The following GMDS variants were observed in gnomAD, a reference collection of about 807,000 sequenced individuals.
The protein encoded by GMDS is GDP-mannose 4,6 dehydratase.
Under a neutral mutation model 49.9 loss-of-function variants are expected in GMDS, and 20 were observed. The ratio of observed to expected loss-of-function variants is 0.40; its 90% CI spans 0.28 to 0.58. GMDS has a LOEUF of 0.58. Among genes scored for constraint, GMDS ranks in the 20% least tolerant of loss-of-function variants. The pLI is 0.42. For synonymous variants in GMDS, 177 were observed against 178.6 expected, an observed-to-expected ratio of 0.99 and a Z score of 0.07; for missense variants, 362 against 481.4, an observed-to-expected ratio of 0.75 and a Z score of 2.32.
Position 2,170,215 on chromosome 6 carries a change from A to G in GMDS, c.103-45484T>C, listed in dbSNP as rs183840927. 5.7e-3 allele frequency among the ~76,000 whole-genome samples: 868 copies of G among 152,070 alleles called. 1 individual carries two copies. The highest frequency in any genetic ancestry group is 0.017 in the Middle Eastern group (5 of 292). ...CGAAACTACATCTCAAAAAAAAAAA[A>G]AGAGAGAAAGAAAGAAAACAGGATT... On this transcript the variant is annotated intron_variant, in intron 1 of 10. Transcript: ENST00000380815.
intron 9 of GMDS, among the ~76,000 whole-genome samples, chr6:1,693,810 T>A (rs563405199): frequency 6.6e-6 from 1 of 152,308 alleles, no homozygotes; most frequent in African/African-American, 2.4e-5. Context: ...GTTTTCTCTG[T>A]TATCATTTAC....
intron 9 of GMDS, among the ~76,000 whole-genome samples, chr6:1,713,627 CACGT>C (rs1337057926): frequency 3.3e-5 from 5 of 152,184 alleles, no homozygotes; most frequent in African/African-American, 1.2e-4. Flanking sequence ...CACACACATA[CACGT>C]ACGTGTGTTT....
chr6:2,206,697 C>G (rs1299846940), intron 1 of GMDS, among the ~76,000 whole-genome samples: 1 of 152,206 alleles, frequency 6.6e-6, no homozygotes, highest in East Asian at 1.9e-4. Context: ...GGGCCCCACC[C>G]CTCAGAGCTC....
chr6:1,920,783 G>A (rs1235587849), intron 7 of GMDS, among the ~76,000 whole-genome samples: 1 of 152,266 alleles, frequency 6.6e-6, no homozygotes, highest in Non-Finnish European at 1.5e-5. Flanking sequence ...GGCAGGGAAA[G>A]AGGAAGGGCA....
intron 7 of GMDS, among the ~76,000 whole-genome samples, chr6:1,858,303 G>T (rs1758029729): frequency 6.6e-6 from 1 of 152,102 alleles, no homozygotes; most frequent in Non-Finnish European, 1.5e-5. Context: ...GTTAACAATC[G>T]CTATTTTTAA....
At chr6:1,807,042 G>A (rs1770205965) in intron 7 of GMDS, among the ~76,000 whole-genome samples, 1 of 152,090 alleles carries the variant, frequency 6.6e-6, no homozygotes, top group Admixed American at 6.5e-5. Flanking sequence ...AGCATTTTCA[G>A]AATTATAATT....
At chr6:1,647,742 G>A (rs949319399) in intron 9 of GMDS, among the ~76,000 whole-genome samples, 2 of 152,196 alleles carry the variant, frequency 1.3e-5, no homozygotes, top group Non-Finnish European at 2.9e-5. Flanking sequence ...AGTCATCTGG[G>A]CTGAGTCCTG....
At chr6:1,939,778 G>T (rs1035117176) in intron 6 of GMDS, among the ~76,000 whole-genome samples, 4 of 152,138 alleles carry the variant, frequency 2.6e-5, no homozygotes, top group Admixed American at 6.6e-5. Flanking sequence ...TTTAAGACAT[G>T]AATAATAGCC....
At chr6:1,864,429 A>C (rs1339840197) in intron 7 of GMDS, among the ~76,000 whole-genome samples, 1 of 152,210 alleles carries the variant, frequency 6.6e-6, no homozygotes, top group Non-Finnish European at 1.5e-5. Context: ...TAAATAAAAA[A>C]TGTTAACTAG....
intron 7 of GMDS, among the ~76,000 whole-genome samples, chr6:1,767,426 AT>A (rs1768402211): frequency 6.6e-6 from 1 of 152,194 alleles, no homozygotes; most frequent in Admixed American, 6.5e-5. Context: ...AAGTCAAGTT[AT>A]TACTTCAACC....
intron 4 of GMDS, among the ~76,000 whole-genome samples, chr6:2,004,846 G>A (rs1767054020): frequency 6.6e-6 from 1 of 152,090 alleles, no homozygotes; most frequent in Non-Finnish European, 1.5e-5. Context: ...TCTGATGTTT[G>A]GATTTAATAA....
chr6:1,763,650 G>T (rs578247673), intron 7 of GMDS, among the ~76,000 whole-genome samples: 46 of 152,320 alleles, frequency 3.0e-4, no homozygotes, highest in African/African-American at 1.1e-3. Flanking sequence ...ATTTTTTAAA[G>T]ATCTAGTATT....
intron 7 of GMDS, among the ~76,000 whole-genome samples, chr6:1,750,439 G>C (rs577106325): frequency 5.3e-5 from 8 of 152,262 alleles, no homozygotes; most frequent in Admixed American, 5.2e-4. Context: ...AGGGTGAGCC[G>C]AAGCAGGGTG....
intron 9 of GMDS, among the ~76,000 whole-genome samples, chr6:1,715,170 C>T (rs368132806): frequency 2.6e-5 from 4 of 152,252 alleles, no homozygotes; most frequent in Non-Finnish European, 5.9e-5. Flanking sequence ...GCAATAGAAA[C>T]GAAATATGAC....
At chr6:1,705,931 G>C (rs1384984325) in intron 9 of GMDS, among the ~76,000 whole-genome samples, 1 of 152,192 alleles carries the variant, frequency 6.6e-6, no homozygotes, top group Non-Finnish European at 1.5e-5. Flanking sequence ...CAGCAGGAAG[G>C]CCCTTGCAAG....
chr6:2,228,669 T>C (rs1311803630), intron 1 of GMDS, among the ~76,000 whole-genome samples: 1 of 152,212 alleles, frequency 6.6e-6, no homozygotes, highest in African/African-American at 2.4e-5. Context: ...GGGCATTCAT[T>C]TGAACACAAA....
intron 1 of GMDS, among the ~76,000 whole-genome samples, chr6:2,175,336 A>G (rs1418945589): frequency 6.6e-6 from 1 of 152,236 alleles, no homozygotes; most frequent in African/African-American, 2.4e-5. Context: ...TAAGCAGTCT[A>G]AAGAATAACA....
intron 4 of GMDS, among the ~76,000 whole-genome samples, chr6:2,013,753 G>T (rs1030906861): frequency 7.9e-5 from 12 of 151,452 alleles, no homozygotes; most frequent in Non-Finnish European, 1.5e-4. Flanking sequence ...TAAAAGAAAT[G>T]AAACAATGTC....
intron 4 of GMDS, among the ~76,000 whole-genome samples, chr6:1,972,065 G>A (rs116522645): frequency 7.2e-5 from 11 of 152,186 alleles, no homozygotes; most frequent in East Asian, 1.9e-4. Context: ...TCTGCACCCC[G>A]CACCCTGACT....
Sources: gnomAD v4.1 joint callset for allele counts (sites outside exome capture counted in the v4.1 genomes callset) on GRCh38, gnomAD v4.1.1 for gene constraint, MANE v1.5 for transcripts, NCBI Gene and HGNC (gene_info 2026-07-23, HGNC 2026-07-21) for gene names.